Variants in ACTN2 observed in about 807,000 individuals in gnomAD.
ACTN2 encodes alpha-actinin-2.
In ACTN2, 39 loss-of-function variants were observed where a neutral mutation model predicts 113.8. The ratio of observed to expected loss-of-function variants is 0.34; its 90% CI spans 0.27 to 0.45. The LOEUF is 0.45. Among genes scored for constraint, ACTN2 ranks in the 20% least tolerant of loss-of-function variants. The probability of loss-of-function intolerance (pLI) is 1.00; values close to 1 mark genes in which losing one functional copy is unlikely to be tolerated. For synonymous variants in ACTN2, 429 were observed against 444.1 expected, an observed-to-expected ratio of 0.97 and a Z score of 0.43; for missense variants, 992 against 1,177.9, an observed-to-expected ratio of 0.84 and a Z score of 2.31.
rs1658537536 is a variant in ACTN2 at position 236,725,948 on chromosome 1, A to G, written c.464A>G (p.Glu155Gly). Residue 155 changes from glutamate (E) to glycine (G), a missense_variant, in exon 5 of 21, where the codon GAA (glutamate) becomes GGA (glycine). Coordinates refer to ENST00000366578, the MANE Select transcript of ACTN2 (RefSeq NM_001103.4). ...GTCATTACAGAAACATCTGCCAAAG[A>G]AGGTCTGCTGCTTTGGTGTCAGAGG... ...DISVEETSAK[E>G]GLLLWCQRKT... The G allele has an allele frequency of 6.2e-7, 1 of 1,614,026 alleles. No individual in the cohort carries two copies. Among genetic ancestry groups the G allele is most frequent in the Non-Finnish European group, 8.5e-7 (1 of 1,179,994 alleles).
At chr1:236,740,222 T>C (rs1339137698) in intron 10 of ACTN2, among the ~76,000 whole-genome samples, 1 of 152,114 alleles carries the variant, frequency 6.6e-6, no homozygotes, top group African/African-American at 2.4e-5. Flanking sequence ...CAAGCAATTC[T>C]CCTGCCTCAG....
intron 7 of ACTN2, among the ~76,000 whole-genome samples, chr1:236,731,607 T>A (rs563385787): frequency 2.6e-4 from 40 of 152,304 alleles, no homozygotes; most frequent in African/African-American, 7.2e-4. Context: ...TTTATAATTT[T>A]AAAAAAACAT....
At chr1:236,746,060 G>A (rs1659226256) in intron 12 of ACTN2, among the ~76,000 whole-genome samples, 1 of 150,724 alleles carries the variant, frequency 6.6e-6, no homozygotes, top group Non-Finnish European at 1.5e-5. Context: ...CAACTACTCA[G>A]GAGGCTGAGG....
chr1:236,731,733 G>A, intron 7 of ACTN2, among the ~76,000 whole-genome samples: 1 of 152,088 alleles, frequency 6.6e-6, no homozygotes. Flanking sequence ...CTTCCTTCCA[G>A]CCAGAAGTTA....
chr1:236,760,572 T>C (rs1223729745), intron 19 of ACTN2, among the ~76,000 whole-genome samples: 1 of 152,198 alleles, frequency 6.6e-6, no homozygotes, highest in East Asian at 1.9e-4. Flanking sequence ...TACCCATTAA[T>C]GAGTATTTTT....
rs1553296763 is a variant in ACTN2, at chr1:236,695,568, C to CCCCG, written c.126+8772_126+8773insGCCC. Among the ~76,000 whole-genome samples the CCCCG allele has an allele frequency of 2.9e-5, 3 of 104,510 alleles. 1 individual carries two copies. Among genetic ancestry groups the CCCCG allele is most frequent in the African/African-American group, 1.1e-4 (3 of 26,274 alleles). The allele number at this position is 104,510 out of a possible 152,430, so 68.6% of individuals were successfully genotyped here. On this transcript the variant is annotated intron_variant, in intron 1 of 20. Transcript: ENST00000366578. Reference sequence around the variant, plus strand: ...GAATTTGATTTGAAATGAGTTCCCCCCCCCTGCCCAGATTGAAAACCTTCA... The same window carrying CCCCG: ...GAATTTGATTTGAAATGAGTTCCCCCCCCGCCCCTGCCCAGATTGAAAACCTTCA...
At chr1:236,748,857 G>A (rs1659310826) in intron 13 of ACTN2, among the ~76,000 whole-genome samples, 1 of 152,166 alleles carries the variant, frequency 6.6e-6, no homozygotes, top group Non-Finnish European at 1.5e-5. Context: ...TCAGTTTTCA[G>A]AAAAGTAGCA....
intron 7 of ACTN2, among the ~76,000 whole-genome samples, chr1:236,731,868 C>T (rs1009777302): frequency 2.6e-5 from 4 of 152,204 alleles, no homozygotes; most frequent in Admixed American, 6.5e-5. Context: ...ATATTTTGCA[C>T]TTCAGTATCA....
Position 236,755,053 on chromosome 1 carries a change from C to A in ACTN2, c.2009C>A (p.Ala670Asp). 6.2e-7 allele frequency: 1 copy of A among 1,614,214 alleles called. No individual in the cohort carries two copies. The highest frequency in any genetic ancestry group is 8.5e-7 in the Non-Finnish European group (1 of 1,180,042). ...CGGAGCTCCATCCAGATCACAGGAG[C>A]CCTGGAAGACCAGATGAACCAGCTG... The part of the protein sequence containing the change: ...IARSSIQITG[A>D]LEDQMNQLKQ... The change falls in exon 17 of 21, where the codon GCC (alanine) becomes GAC (aspartate). Residue 670 changes from alanine (A) to aspartate (D), a missense_variant. Physicochemically the swap from Ala to Asp is moderately radical, Grantham distance 126. Coordinates refer to ENST00000366578, the MANE Select transcript of ACTN2 (RefSeq NM_001103.4).
At chr1:236,702,106 A>G (rs1406642780) in intron 1 of ACTN2, among the ~76,000 whole-genome samples, 1 of 152,214 alleles carries the variant, frequency 6.6e-6, no homozygotes, top group Non-Finnish European at 1.5e-5. Context: ...ATGTGATATC[A>G]AAACAGGGAT....
At chr1:236,723,213 G>T (rs1658452750) in intron 4 of ACTN2, among the ~76,000 whole-genome samples, 1 of 152,050 alleles carries the variant, frequency 6.6e-6, no homozygotes, top group South Asian at 2.1e-4. Context: ...TAATTTCATT[G>T]GTCAGGACTG....
intron 8 of ACTN2, chr1:236,736,878 C>G (rs1050674800): frequency 5.0e-6 from 3 of 603,420 alleles, no homozygotes; most frequent in Non-Finnish European, 8.9e-6. Flanking sequence ...AATGCTCTCT[C>G]CCCGTTATTC....
In ACTN2 at chr1:236,728,833, G is replaced by T. The variant is rs542889580; in HGVS notation, c.615+1077G>T. Among the ~76,000 whole-genome samples the T allele has an allele frequency of 1.6e-3, 242 of 152,092 alleles. 1 individual carries two copies. Among genetic ancestry groups the T allele is most frequent in the Non-Finnish European group, 2.4e-3 (163 of 68,026 alleles). Reference sequence around the variant, plus strand: ...TGCTTGAGCCCAGGAGTTTGAGGCTGCAGTGGACTGTGATCACACCACTGC... The same window carrying T: ...TGCTTGAGCCCAGGAGTTTGAGGCTTCAGTGGACTGTGATCACACCACTGC... On this transcript the variant is annotated intron_variant, in intron 6 of 20. Transcript: ENST00000366578.
At chr1:236,736,727 A>T (rs1042757108) in intron 8 of ACTN2, 2 of 1,056,226 alleles carry the variant, frequency 1.9e-6, no homozygotes, top group African/African-American at 3.1e-5. Flanking sequence ...GGCTAATGTT[A>T]TTCAGGGAGT....
At chr1:236,724,260 G>A (rs1658482367) in intron 4 of ACTN2, among the ~76,000 whole-genome samples, 1 of 152,168 alleles carries the variant, frequency 6.6e-6, no homozygotes, top group Non-Finnish European at 1.5e-5. Context: ...ATCCGATCAT[G>A]AGGGCCCCAC....
At chr1:236,696,932 G>A (rs1657523333) in intron 1 of ACTN2, among the ~76,000 whole-genome samples, 1 of 151,924 alleles carries the variant, frequency 6.6e-6, no homozygotes, top group Admixed American at 6.6e-5. Flanking sequence ...AAAGTGCTGG[G>A]ATTACAGGCA....
At position 236,731,263 on chromosome 1, in the gene ACTN2, A is replaced by T; in HGVS notation, c.646A>T (p.Met216Leu). 6.2e-7 allele frequency: 1 copy of T among 1,613,924 alleles called. No individual in the cohort carries two copies. Among genetic ancestry groups the T allele is most frequent in the African/African-American group, 1.3e-5 (1 of 75,050 alleles). ...CCCCATAGGAAATATTAACCTGGCCATGGAAATCGCTGAGAAGCACCTGGA... is the reference window on the plus strand; with the variant it reads ...CCCCATAGGAAATATTAACCTGGCCTTGGAAATCGCTGAGAAGCACCTGGA... ...DDPIGNINLA[M>L]EIAEKHLDIP... The change falls in exon 7 of 21, where the codon ATG (methionine) becomes TTG (leucine). Residue 216 changes from methionine to leucine, a missense_variant. This residue lies in a region of ACTN2 where 220 missense variants were observed against 337.5 expected (regional missense o/e 0.65). Coordinates refer to ENST00000366578, the MANE Select transcript of ACTN2 (RefSeq NM_001103.4).
At chr1:236,722,999 G>A (rs1192417826) in intron 4 of ACTN2, among the ~76,000 whole-genome samples, 1 of 152,244 alleles carries the variant, frequency 6.6e-6, no homozygotes, top group African/African-American at 2.4e-5. Flanking sequence ...AAAAAGCCTT[G>A]TTCGGCATTC....
At chr1:236,738,489 GAA>G (rs1439390938) in intron 9 of ACTN2, among the ~76,000 whole-genome samples, 3 of 152,238 alleles carry the variant, frequency 2.0e-5, no homozygotes, top group African/African-American at 7.2e-5. Flanking sequence ...TGCCAGACAT[GAA>G]GCATGGCCAG....
Sources: gnomAD v4.1 joint callset for allele counts (sites outside exome capture counted in the v4.1 genomes callset) on GRCh38, gnomAD v4.1.1 for gene constraint, gnomAD v4.1.1 regional missense constraint, MANE v1.5 for transcripts, NCBI Gene and HGNC (gene_info 2026-07-23, HGNC 2026-07-21) for gene names.